Variants in GLIS1 observed in about 807,000 individuals in gnomAD.
The protein encoded by GLIS1 is GLIS family zinc finger 1.
In GLIS1, 24 loss-of-function variants were observed where a neutral mutation model predicts 63.8. The ratio of observed to expected loss-of-function variants is 0.38; its 90% CI spans 0.27 to 0.53. GLIS1 has a LOEUF of 0.53. GLIS1 is among the 20% of genes least tolerant of loss of function. The pLI, the probability that GLIS1 is intolerant of heterozygous loss-of-function variation, is 0.85. For missense variants in GLIS1, 1,036 were observed against 1,074.1 expected (o/e 0.96, Z 0.50); for synonymous variants, 450 against 482.5 (o/e 0.93, Z 0.88).
chr1:53,618,558 G>T (rs546333963), intron 2 of GLIS1, among the ~76,000 whole-genome samples: 1 of 152,326 alleles, frequency 6.6e-6, no homozygotes, highest in South Asian at 2.1e-4. Context: ...GAGGGGCAGG[G>T]AGGCTGCAGA....
intron 2 of GLIS1, among the ~76,000 whole-genome samples, chr1:53,694,657 T>A (rs975856411): frequency 1.3e-5 from 2 of 152,184 alleles, no homozygotes; most frequent in African/African-American, 4.8e-5. Flanking sequence ...GGCAGGCTGC[T>A]CAAGGGCTCG....
intron 2 of GLIS1, among the ~76,000 whole-genome samples, chr1:53,736,557 A>C (rs766709803): frequency 6.6e-6 from 1 of 152,160 alleles, no homozygotes; most frequent in Non-Finnish European, 1.5e-5. Flanking sequence ...AAGAGACCTC[A>C]TATGTGTGTA....
chr1:53,657,268 AT>A (rs1645976851), intron 2 of GLIS1, among the ~76,000 whole-genome samples: 1 of 152,186 alleles, frequency 6.6e-6, no homozygotes, highest in African/African-American at 2.4e-5. Flanking sequence ...AGAGACTCAA[AT>A]CCATGCCACA....
In GLIS1 at chr1:53,641,102, G is replaced by C. The variant is rs541830523; in HGVS notation, c.260-40824C>G. The stretch of plus-strand genomic sequence containing the variant: ...GCAGCAATGAATACCTCCATAGAGA[G>C]AGTCCCTGAATATCTTGGGGGACCA... On this transcript the variant is annotated intron_variant, in intron 2 of 10. Transcript: ENST00000628545. Among the ~76,000 whole-genome samples the C allele has an allele frequency of 2.6e-5, 4 of 152,276 alleles. No individual in the cohort carries two copies. In the South Asian group the frequency reaches 8.3e-4, roughly 32 times the overall value.
chr1:53,635,964 T>C (rs1208275575), intron 2 of GLIS1, among the ~76,000 whole-genome samples: 3 of 152,210 alleles, frequency 2.0e-5, no homozygotes, highest in Non-Finnish European at 2.9e-5. Context: ...AATCTTCCCA[T>C]AAAGAAAACT....
intron 2 of GLIS1, among the ~76,000 whole-genome samples, chr1:53,649,530 T>A (rs1645883872): frequency 6.6e-6 from 1 of 152,182 alleles, no homozygotes. Flanking sequence ...AAACTTTGAA[T>A]AACACCATAG....
chr1:53,633,410 G>T (rs1171716672), intron 2 of GLIS1, among the ~76,000 whole-genome samples: 2 of 150,076 alleles, frequency 1.3e-5, no homozygotes, highest in East Asian at 4.0e-4. Context: ...ACTGAGGGGT[G>T]TGTGTATGAG....
intron 4 of GLIS1, among the ~76,000 whole-genome samples, chr1:53,532,614 T>C (rs1160056513): frequency 6.6e-6 from 1 of 152,236 alleles, no homozygotes; most frequent in Non-Finnish European, 1.5e-5. Flanking sequence ...TTGTGCCAAG[T>C]TCACCCCAAC....
chr1:53,610,472 T>G (rs561253220), intron 2 of GLIS1, among the ~76,000 whole-genome samples: 2 of 152,378 alleles, frequency 1.3e-5, no homozygotes, highest in Non-Finnish European at 2.9e-5. Flanking sequence ...GCAGTTATCT[T>G]CTTTCCATAT....
At chr1:53,518,844 C>G (rs1012720689) in intron 7 of GLIS1, among the ~76,000 whole-genome samples, 3 of 152,232 alleles carry the variant, frequency 2.0e-5, no homozygotes, top group Non-Finnish European at 2.9e-5. Context: ...TGTCCCTTCT[C>G]GCTGGGACAA....
intron 4 of GLIS1, among the ~76,000 whole-genome samples, chr1:53,579,929 G>A (rs755130951): frequency 3.3e-5 from 5 of 152,220 alleles, no homozygotes; most frequent in Non-Finnish European, 7.3e-5. Context: ...AGGACTATAC[G>A]GAGTAAAGGG....
chr1:53,582,553 G>T (rs1322389835), intron 4 of GLIS1, among the ~76,000 whole-genome samples: 4 of 152,282 alleles, frequency 2.6e-5, no homozygotes, highest in Non-Finnish European at 5.9e-5. Context: ...GTTGGGAGGG[G>T]CATCAGAGGA....
At position 53,516,943 on chromosome 1, in the gene GLIS1, T is replaced by G. The variant is rs189946606; in HGVS notation, c.1727-2162A>C. ...GCACCCTACGTTACATTACATCATGTGAGATTCAACTATCAAAATAACTAC... is the reference window on the plus strand; with the variant it reads ...GCACCCTACGTTACATTACATCATGGGAGATTCAACTATCAAAATAACTAC... On this transcript the variant is annotated intron_variant, in intron 7 of 10. Transcript: ENST00000628545. 3.3e-5 allele frequency among the ~76,000 whole-genome samples: 5 copies of G among 152,286 alleles called. No homozygotes were observed. The East Asian group carries it at 9.6e-4, about 29-fold the overall frequency.
chr1:53,691,414 C>G (rs961065931), intron 2 of GLIS1, among the ~76,000 whole-genome samples: 4 of 152,196 alleles, frequency 2.6e-5, no homozygotes, highest in Non-Finnish European at 4.4e-5. Context: ...GGCCTTTTGC[C>G]TGTTGCCCTC....
chr1:53,682,894 A>G (rs1300349552), intron 2 of GLIS1, among the ~76,000 whole-genome samples: 1 of 152,216 alleles, frequency 6.6e-6, no homozygotes, highest in Non-Finnish European at 1.5e-5. Context: ...CAATCAAGGA[A>G]CCATACAAAT....
intron 7 of GLIS1, 30 bp downstream of exon 7, chr1:53,520,604 G>A (rs368017412): frequency 5.7e-5 from 90 of 1,578,128 alleles, no homozygotes; most frequent in Admixed American, 3.6e-4. Context: ...CCTGGGCTAC[G>A]CCCCTGGCCC....
At chr1:53,582,714 C>A (rs1645098137) in intron 4 of GLIS1, among the ~76,000 whole-genome samples, 1 of 152,244 alleles carries the variant, frequency 6.6e-6, no homozygotes, top group Admixed American at 6.5e-5. Context: ...AGGCAGGACA[C>A]TGGCTGGGAG....
chr1:53,693,874 T>C (rs1646435627), intron 2 of GLIS1, among the ~76,000 whole-genome samples: 1 of 152,166 alleles, frequency 6.6e-6, no homozygotes, highest in Non-Finnish European at 1.5e-5. Context: ...CAAAGTGACC[T>C]TGATGAGAAG....
At chr1:53,694,455 AC>A (rs1646443138) in intron 2 of GLIS1, among the ~76,000 whole-genome samples, 1 of 152,098 alleles carries the variant, frequency 6.6e-6, no homozygotes, top group Admixed American at 6.5e-5. Flanking sequence ...AATGGGCTGC[AC>A]CCAGTGTCCC....
Sources: gnomAD v4.1 joint callset for allele counts (sites outside exome capture counted in the v4.1 genomes callset) on GRCh38, gnomAD v4.1.1 for gene constraint, MANE v1.5 for transcripts, NCBI Gene and HGNC (gene_info 2026-07-23, HGNC 2026-07-21) for gene names.